The following CHD7 variants were observed in gnomAD, a reference collection of about 807,000 sequenced individuals.
CHD7 encodes ATP-dependent chromatin remodeler CHD7.
CHD7 carries 24 observed loss-of-function variants against 307.3 expected under a neutral mutation model. The ratio of observed to expected loss-of-function variants is 0.08; its 90% CI spans 0.06 to 0.11. The LOEUF (loss-of-function observed/expected upper bound fraction) is 0.11. CHD7 is among the 10% of genes least tolerant of loss of function. The pLI, the probability that CHD7 is intolerant of heterozygous loss-of-function variation, is 1.00. For missense variants in CHD7, 3,106 were observed against 3,727.1 expected (o/e 0.83, Z 4.34); for synonymous variants, 1,363 against 1,349.9 (o/e 1.01, Z -0.21).
intron 1 of CHD7, among the ~76,000 whole-genome samples, chr8:60,720,144 C>T (rs561342869): frequency 3.7e-4 from 56 of 152,178 alleles, no homozygotes; most frequent in Non-Finnish European, 6.3e-4. Flanking sequence ...TTTTTTTCAG[C>T]GAGGTCAAAT....
At chr8:60,709,407 A>C (rs981248411) in intron 1 of CHD7, among the ~76,000 whole-genome samples, 1 of 152,222 alleles carries the variant, frequency 6.6e-6, no homozygotes, top group Non-Finnish European at 1.5e-5. Flanking sequence ...GCAGCCAGCA[A>C]ACAGCTTAGA....
chr8:60,716,619 G>A (rs983283549), intron 1 of CHD7, among the ~76,000 whole-genome samples: 1 of 152,048 alleles, frequency 6.6e-6, no homozygotes, highest in Non-Finnish European at 1.5e-5. Context: ...TCCTCCAACC[G>A]GTCCCTCTGC....
chr8:60,866,697 T>C lies in CHD7; in HGVS notation c.*764T>C, dbSNP rs773130659. 1.3e-5 allele frequency: 2 copies of C among 152,664 alleles called. No homozygotes were observed. Among genetic ancestry groups the C allele is most frequent in the Non-Finnish European group, 2.9e-5 (2 of 68,042 alleles). The allele number at this position is 152,664 out of a possible 1,614,324, so 9.5% of individuals were successfully genotyped here. On this transcript the variant is annotated 3_prime_UTR_variant, in exon 38 of 38. Coordinates refer to ENST00000423902, the MANE Select transcript of CHD7 (RefSeq NM_017780.4). Reference sequence around the variant, plus strand: ...TTTAAATTAAAGGACTTTGTTACTTTAGCCACAAAGCTAAAACAGCATTAC... The same window carrying C: ...TTTAAATTAAAGGACTTTGTTACTTCAGCCACAAAGCTAAAACAGCATTAC...
rs1300412810 is a variant in CHD7, at chr8:60,744,440, G to A, written c.1665+1343G>A. Among the ~76,000 whole-genome samples the A allele has an allele frequency of 2.9e-5, 4 of 139,560 alleles. No homozygotes were observed. In the South Asian group the frequency reaches 9.2e-4, roughly 32 times the overall value. 91.6% of individuals were successfully genotyped at this position (139,560 alleles called of 152,430 possible). ...GCAGTGTTGAAAGTAAAAGGGTTTA[G>A]TCAGTAAACAAAGCCACTCAGGGCA... On this transcript the variant is annotated intron_variant, in intron 2 of 37. Transcript: ENST00000423902.
At chr8:60,692,066 T>G (rs1229962419) in intron 1 of CHD7, among the ~76,000 whole-genome samples, 2 of 152,228 alleles carry the variant, frequency 1.3e-5, no homozygotes, top group African/African-American at 4.8e-5. Context: ...TAGACCAATA[T>G]GTTATGCAAT....
At chr8:60,696,261 A>G (rs1190365450) in intron 1 of CHD7, among the ~76,000 whole-genome samples, 1 of 152,216 alleles carries the variant, frequency 6.6e-6, no homozygotes, top group Non-Finnish European at 1.5e-5. Context: ...ATAAGAAAAG[A>G]CTAGGGGAAA....
intron 15 of CHD7, 121 bp downstream of exon 15, chr8:60,830,698 T>C: frequency 8.8e-7 from 1 of 1,140,516 alleles, no homozygotes; most frequent in Non-Finnish European, 1.2e-6. Flanking sequence ...CCACTCAGCA[T>C]GGGTTTCACC....
chr8:60,798,328 T>C (rs1812125806), intron 4 of CHD7, among the ~76,000 whole-genome samples: 1 of 152,202 alleles, frequency 6.6e-6, no homozygotes, highest in African/African-American at 2.4e-5. Context: ...CAAGGAAGTC[T>C]CTTAATAAAC....
rs779842236 is a variant in CHD7, at chr8:60,853,061, G to C, written c.6336G>C (p.Thr2112=). Residue 2112 remains threonine, a synonymous_variant, in exon 31 of 38, where the codon ACG becomes ACC. Transcript: ENST00000423902. ...CTGCTAAACACGGGGTCAGTCGGAC[G>C]GATTATCACATCCTCAATGACCCTG... The part of the protein sequence containing the change: ...VGAAKHGVSR[T]DYHILNDPEL... The C allele has an allele frequency of 1.9e-6, 3 of 1,613,764 alleles. No individual in the cohort carries two copies. The African/African-American group carries it at 4.0e-5, about 22-fold the overall frequency.
chr8:60,774,389 A>G (rs1367700659), intron 2 of CHD7, among the ~76,000 whole-genome samples: 1 of 152,256 alleles, frequency 6.6e-6, no homozygotes, highest in African/African-American at 2.4e-5. Context: ...TGCCACATGT[A>G]ACTATACAAC....
intron 7 of CHD7, among the ~76,000 whole-genome samples, chr8:60,812,375 C>G (rs1363537438): frequency 6.6e-6 from 1 of 152,094 alleles, no homozygotes; most frequent in Non-Finnish European, 1.5e-5. Flanking sequence ...ATTAAAGAGT[C>G]AATTTTTGGC....
rs1300549327 is a variant in CHD7 at position 60,866,631 on chromosome 8, GAATA to G, written c.*705_*708del. The G allele has an allele frequency of 6.6e-6, 1 of 152,534 alleles. No homozygotes were observed. The highest frequency in any genetic ancestry group is 1.5e-5 in the Non-Finnish European group (1 of 68,016). The allele number at this position is 152,534 out of a possible 1,614,324, so 9.4% of individuals were successfully genotyped here. On this transcript the variant is annotated 3_prime_UTR_variant, in exon 38 of 38. Coordinates refer to ENST00000423902, the MANE Select transcript of CHD7 (RefSeq NM_017780.4). ...ACTGGTAAAAACAAAATAAATAGAT[GAATA>G]AATAAAGAGTGAGAGAAGAGAGAAT...
chr8:60,738,795 G>A (rs539366738), intron 1 of CHD7, among the ~76,000 whole-genome samples: 2 of 152,212 alleles, frequency 1.3e-5, no homozygotes, highest in East Asian at 3.9e-4. Context: ...GACCTTACCT[G>A]AGCATGGTTG....
Position 60,861,082 on chromosome 8 carries a change from A to T in CHD7, c.7787A>T (p.Lys2596Met). 6.2e-7 allele frequency: 1 copy of T among 1,610,378 alleles called. No individual in the cohort carries two copies. The highest frequency in any genetic ancestry group is 8.5e-7 in the Non-Finnish European group (1 of 1,178,116). ...AATAAGGATTTAGTTGAATGGCTGA[A>T]GCTGCACCCTACTTACACTGTTGAT... ...PKNKDLVEWL[K>M]LHPTYTVDMP... The change falls in exon 35 of 38, where the codon AAG becomes ATG. Residue 2596 changes from lysine (K) to methionine (M), a missense_variant. Physicochemically the swap from Lys to Met is moderately conservative, Grantham distance 95. Around this residue, in one of 10 missense-constraint regions of CHD7, gnomAD observed 1,030 missense variants for 1,165.4 expected, o/e 0.88. Coordinates refer to ENST00000423902, the MANE Select transcript of CHD7 (RefSeq NM_017780.4).
At chr8:60,752,964 G>A (rs1360357544) in intron 2 of CHD7, among the ~76,000 whole-genome samples, 2 of 152,198 alleles carry the variant, frequency 1.3e-5, no homozygotes, top group Non-Finnish European at 2.9e-5. Context: ...TAACCACAGG[G>A]AGAAATGGAA....
rs780875623 is a variant in CHD7 at position 60,821,725 on chromosome 8, T to C, written c.2698-65T>C. ...ATATGTATAAACATATATATACACA[T>C]ATATATGTATATGTATGTATGTGGT... is the stretch of plus-strand genomic sequence containing the variant. On this transcript the variant is annotated intron_variant, in intron 9 of 37. Transcript: ENST00000423902. The C allele has an allele frequency of 3.6e-6, 5 of 1,388,168 alleles. No homozygotes were observed. In the African/African-American group the frequency reaches 4.4e-5, roughly 12 times the overall value. The allele number at this position is 1,388,168 out of a possible 1,614,324, so 86.0% of individuals were successfully genotyped here.
intron 2 of CHD7, among the ~76,000 whole-genome samples, chr8:60,753,503 T>G (rs1455281088): frequency 6.6e-6 from 1 of 152,138 alleles, no homozygotes; most frequent in Non-Finnish European, 1.5e-5. Context: ...CACACATAAA[T>G]AAGGTCTCTA....
At chr8:60,805,622 A>C (rs1292100247) in intron 6 of CHD7, among the ~76,000 whole-genome samples, 1 of 152,172 alleles carries the variant, frequency 6.6e-6, no homozygotes, top group Non-Finnish European at 1.5e-5. Flanking sequence ...AACAGACTTG[A>C]GACAAAATAA....
At chr8:60,843,027 G>A (rs893295032) in intron 21 of CHD7, among the ~76,000 whole-genome samples, 5 of 152,138 alleles carry the variant, frequency 3.3e-5, no homozygotes, top group African/African-American at 4.8e-5. Context: ...GGTGTCCGAC[G>A]CAGGCATCAG....
Sources: gnomAD v4.1 joint callset for allele counts (sites outside exome capture counted in the v4.1 genomes callset) on GRCh38, gnomAD v4.1.1 for gene constraint, gnomAD v4.1.1 regional missense constraint, MANE v1.5 for transcripts, NCBI Gene and HGNC (gene_info 2026-07-23, HGNC 2026-07-21) for gene names.